Variants in IGFBP7 observed in about 807,000 individuals in gnomAD.
The protein encoded by IGFBP7 is insulin like growth factor binding protein 7, also known as insulin-like growth factor-binding protein 7.
In IGFBP7, 31 loss-of-function variants were observed where a neutral mutation model predicts 29.4. The ratio of observed to expected loss-of-function variants is 1.05; its 90% CI spans 0.79 to 1.42. The LOEUF (loss-of-function observed/expected upper bound fraction) is 1.42. Among genes scored for constraint, IGFBP7 ranks in the 40% most tolerant of loss-of-function variants. The pLI is 0.00. For synonymous variants in IGFBP7, 172 were observed against 174.9 expected, an observed-to-expected ratio of 0.98 and a Z score of 0.13; for missense variants, 393 against 395.5, an observed-to-expected ratio of 0.99 and a Z score of 0.05.
intron 1 of IGFBP7, among the ~76,000 whole-genome samples, chr4:57,067,226 A>G (rs1302985829): frequency 6.6e-6 from 1 of 152,182 alleles, no homozygotes; most frequent in East Asian, 1.9e-4. Flanking sequence ...TTTCATCATT[A>G]TACGAAAAAG....
In IGFBP7 at chr4:57,109,865, G is replaced by T. The variant is rs370877065; in HGVS notation, c.475+12C>A. ...GCGGCGCAGGGTTGGAGAGGGAAGCGCTCGTGCCCACCTTGCTCGCAGGTG... is the reference window on the plus strand; with the variant it reads ...GCGGCGCAGGGTTGGAGAGGGAAGCTCTCGTGCCCACCTTGCTCGCAGGTG... On this transcript the variant is annotated intron_variant, in intron 1 of 4. Transcript: ENST00000295666. 1 of 1,536,534 alleles carries T rather than the reference G, an allele frequency of 6.5e-7. No homozygotes were observed.
At chr4:57,044,565 C>T (rs1230188591) in intron 1 of IGFBP7, among the ~76,000 whole-genome samples, 1 of 152,154 alleles carries the variant, frequency 6.6e-6, no homozygotes, top group Non-Finnish European at 1.5e-5. Flanking sequence ...CATTTTTCCT[C>T]CCCTAAAAGG....
chr4:57,040,651 ACTGGTTTTTG>A (rs950648993), intron 2 of IGFBP7, among the ~76,000 whole-genome samples, 163 bp downstream of exon 2: 2 of 152,312 alleles, frequency 1.3e-5, no homozygotes, highest in Non-Finnish European at 2.9e-5. Context: ...CATGGCAGGG[ACTGGTTTTTG>A]TTCCATGAAT....
At chr4:57,082,598 T>C (rs1325398133) in intron 1 of IGFBP7, among the ~76,000 whole-genome samples, 1 of 152,228 alleles carries the variant, frequency 6.6e-6, no homozygotes, top group African/African-American at 2.4e-5. Context: ...CAGTATTCTT[T>C]TAAAATATTT....
intron 2 of IGFBP7, among the ~76,000 whole-genome samples, chr4:57,038,507 C>T (rs1328844362): frequency 3.3e-5 from 5 of 152,106 alleles, no homozygotes; most frequent in Admixed American, 2.0e-4. Context: ...GAACTTGCAA[C>T]AGAAAGAGCT....
chr4:57,055,707 G>GT lies in IGFBP7; in HGVS notation c.476-14775dup, dbSNP rs774995191. Among the ~76,000 whole-genome samples, 9 of 152,028 alleles carry GT rather than the reference G, an allele frequency of 5.9e-5. No homozygotes were observed. The South Asian group carries it at 6.2e-4, about 11-fold the overall frequency. On this transcript the variant is annotated intron_variant, in intron 1 of 4. Transcript: ENST00000295666. ...GGCAGTCATCTCCCACCTGCACCCT[G>GT]TCCCTCTTCTGCCCTCCTCATTCCT...
chr4:57,046,345 G>A (rs1039878695), intron 1 of IGFBP7, among the ~76,000 whole-genome samples: 2 of 152,078 alleles, frequency 1.3e-5, no homozygotes, highest in Non-Finnish European at 2.9e-5. Flanking sequence ...TACCTCAGGA[G>A]AGCACTGTAC....
intron 1 of IGFBP7, among the ~76,000 whole-genome samples, chr4:57,065,819 T>C (rs2109770138): frequency 6.6e-6 from 1 of 152,330 alleles, no homozygotes; most frequent in African/African-American, 2.4e-5. Flanking sequence ...TCTGGTGGCC[T>C]CCTGGCCTCA....
intron 1 of IGFBP7, among the ~76,000 whole-genome samples, chr4:57,082,013 A>T (rs1307822091): frequency 6.6e-6 from 1 of 152,110 alleles, no homozygotes; most frequent in Admixed American, 6.5e-5. Context: ...CGACTCGGGG[A>T]TGCTGGTGTG....
chr4:57,109,003 T>C (rs1274442823), intron 1 of IGFBP7, among the ~76,000 whole-genome samples: 1 of 152,110 alleles, frequency 6.6e-6, no homozygotes, highest in East Asian at 1.9e-4. Flanking sequence ...AACAAAATGG[T>C]CAGAAGGTTG....
rs548918041 is a variant in IGFBP7, at chr4:57,087,580, A to G, written c.475+22297T>C. The stretch of plus-strand genomic sequence containing the variant: ...AGGAGTGGACCAGAGGTATATAGGA[A>G]AAAAGTAAATAACTGACACAGCTAT... On this transcript the variant is annotated intron_variant, in intron 1 of 4. Transcript: ENST00000295666. 4.6e-5 allele frequency among the ~76,000 whole-genome samples: 7 copies of G among 152,336 alleles called. No individual in the cohort carries two copies. In the South Asian group the frequency reaches 8.3e-4, roughly 18 times the overall value.
At chr4:57,097,303 G>A (rs4865181) in intron 1 of IGFBP7, among the ~76,000 whole-genome samples, 43,106 of 152,122 alleles carry the variant, frequency 0.28, 7,673 homozygotes, top group East Asian at 0.55. Flanking sequence ...CATCCTGGGT[G>A]GTTCCCATTA....
At chr4:57,048,064 T>G (rs557137066) in intron 1 of IGFBP7, among the ~76,000 whole-genome samples, 1 of 150,946 alleles carries the variant, frequency 6.6e-6, no homozygotes, top group East Asian at 2.0e-4. Flanking sequence ...CCCCCTTTTT[T>G]TTTTTGAGAC....
chr4:57,056,495 C>T (rs1157098977), intron 1 of IGFBP7, among the ~76,000 whole-genome samples: 1 of 152,178 alleles, frequency 6.6e-6, no homozygotes, highest in Non-Finnish European at 1.5e-5. Flanking sequence ...AGTAAACAGT[C>T]TGGGCCAGGA....
chr4:57,040,349 A>G (rs11573112), intron 2 of IGFBP7, among the ~76,000 whole-genome samples: 2,842 of 152,292 alleles, frequency 0.019, 104 homozygotes, highest in African/African-American at 0.063. Context: ...CAGGATCTAA[A>G]TTATCAGCTA....
At chr4:57,109,209 C>T (rs1412283641) in intron 1 of IGFBP7, among the ~76,000 whole-genome samples, 1 of 152,046 alleles carries the variant, frequency 6.6e-6, no homozygotes, top group Non-Finnish European at 1.5e-5. Flanking sequence ...TACTTGAGCT[C>T]AGGAGTTCGA....
chr4:57,084,795 T>TG (rs1450582537), intron 1 of IGFBP7, among the ~76,000 whole-genome samples: 5 of 147,328 alleles, frequency 3.4e-5, no homozygotes, highest in Non-Finnish European at 6.0e-5. Flanking sequence ...AAGGTTTTTT[T>TG]TTTTTTTTTT....
intron 1 of IGFBP7, among the ~76,000 whole-genome samples, chr4:57,068,926 C>T (rs1230073753): frequency 6.6e-6 from 1 of 152,032 alleles, no homozygotes; most frequent in Non-Finnish European, 1.5e-5. Flanking sequence ...CTTTCCATGG[C>T]CACTTTTGGA....
chr4:57,082,542 G>T (rs1054676508), intron 1 of IGFBP7, among the ~76,000 whole-genome samples: 2 of 152,090 alleles, frequency 1.3e-5, no homozygotes, highest in Non-Finnish European at 2.9e-5. Context: ...GGAAAGAAAA[G>T]AACCTTCGAA....
Sources: gnomAD v4.1 joint callset for allele counts (sites outside exome capture counted in the v4.1 genomes callset) on GRCh38, gnomAD v4.1.1 for gene constraint, MANE v1.5 for transcripts, NCBI Gene and HGNC (gene_info 2026-07-23, HGNC 2026-07-21) for gene names.